Variants in MYH15 observed in about 807,000 individuals in gnomAD.
MYH15 encodes the protein myosin-15.
A neutral mutation model predicts 240.5 loss-of-function variants in MYH15; 227 were observed. The ratio of observed to expected loss-of-function variants is 0.94; its 90% CI spans 0.85 to 1.05. The LOEUF (loss-of-function observed/expected upper bound fraction) is 1.05. Ranked by LOEUF, MYH15 falls within the 50% of genes least tolerant of loss-of-function variation. MYH15 has a pLI of 0.00. For missense variants in MYH15, 2,217 were observed against 2,247.5 expected (o/e 0.99, Z 0.27); for synonymous variants, 785 against 796.7 (o/e 0.99, Z 0.25).
At chr3:108,518,132 G>T (rs1052969925) in intron 1 of MYH15, among the ~76,000 whole-genome samples, 1 of 152,164 alleles carries the variant, frequency 6.6e-6, no homozygotes, top group Non-Finnish European at 1.5e-5. Context: ...CAGGAACTAG[G>T]TTAAGTGTTT....
At chr3:108,458,799 C>T (rs1188246584) in intron 18 of MYH15, among the ~76,000 whole-genome samples, 1 of 150,842 alleles carries the variant, frequency 6.6e-6, no homozygotes, top group African/African-American at 2.4e-5. Flanking sequence ...ATCCCCCTAC[C>T]ACTATTCACT....
intron 1 of MYH15, among the ~76,000 whole-genome samples, chr3:108,507,169 T>C (rs192431634): frequency 1.4e-4 from 20 of 144,082 alleles, no homozygotes; most frequent in African/African-American, 4.8e-4. Flanking sequence ...ATATTATATA[T>C]ATGTGTGTCT....
intron 21 of MYH15, among the ~76,000 whole-genome samples, chr3:108,449,053 C>A (rs2082951769): frequency 1.3e-5 from 2 of 151,884 alleles, no homozygotes; most frequent in South Asian, 4.1e-4. Context: ...GGTAAAAGAG[C>A]TGCATGTTGA....
intron 11 of MYH15, among the ~76,000 whole-genome samples, chr3:108,481,716 T>C (rs570299130): frequency 4.3e-4 from 66 of 152,116 alleles, no homozygotes; most frequent in Admixed American, 3.3e-3. Flanking sequence ...GAGAAAATGA[T>C]AGATTTCGCT....
chr3:108,441,353 G>T, intron 22 of MYH15, 93 bp from the exon 23 acceptor site: 1 of 1,426,924 alleles, frequency 7.0e-7, no homozygotes, highest in Non-Finnish European at 9.7e-7. Context: ...AGAGATAATT[G>T]CCTGCCCTCT....
At position 108,380,410 on chromosome 3, in the gene MYH15, T is replaced by C. The variant is rs577832725; in HGVS notation, c.*1135A>G. On this transcript the variant is annotated 3_prime_UTR_variant, in exon 41 of 41. Transcript: ENST00000693548. ...ATTATAGAGCTTCAGCCTTACACAA[T>C]TGTGGGTGCTGGTGGAGAAGTCTAG... 1.3e-5 allele frequency: 2 copies of C among 152,468 alleles called. No individual in the cohort carries two copies. The highest frequency in any genetic ancestry group is 4.8e-5 in the African/African-American group (2 of 41,564). The allele number at this position is 152,468 out of a possible 1,614,324, so 9.4% of individuals were successfully genotyped here.
In MYH15 at chr3:108,432,340, G is replaced by A. The variant is rs541015961; in HGVS notation, c.3222-1418C>T. Among the ~76,000 whole-genome samples, 239 of 152,170 alleles carry A rather than the reference G, an allele frequency of 1.6e-3. 2 individuals carry two copies. Among genetic ancestry groups the A allele is most frequent in the Non-Finnish European group, 2.5e-3 (167 of 67,996 alleles). On this transcript the variant is annotated intron_variant, in intron 25 of 40. Transcript: ENST00000693548. The stretch of plus-strand genomic sequence containing the variant: ...TCCAGAGTGCTAGGATTACAGGCAT[G>A]AGCCACTGCACCCTGCCTGCATTCA...
intron 30 of MYH15, among the ~76,000 whole-genome samples, chr3:108,413,789 C>T (rs1253541496): frequency 6.6e-6 from 1 of 152,144 alleles, no homozygotes; most frequent in Admixed American, 6.5e-5. Context: ...CTTCCCTGTC[C>T]ATCTTCACAG....
chr3:108,529,154 T>G, intron 1 of MYH15: 1 of 972,634 alleles, frequency 1.0e-6, no homozygotes. Context: ...CATGTAGTAA[T>G]TGGTGTGCTG....
intron 1 of MYH15, among the ~76,000 whole-genome samples, chr3:108,507,852 T>C (rs970356779): frequency 2.0e-5 from 3 of 152,230 alleles, no homozygotes; most frequent in Non-Finnish European, 4.4e-5. Flanking sequence ...GTTATGTCTA[T>C]GAAAATATGC....
chr3:108,548,655 T>C, the MYH15 span, among the ~76,000 whole-genome samples: 15 of 152,112 alleles, frequency 9.9e-5, no homozygotes, highest in African/African-American at 3.1e-4. Flanking sequence ...TACGATGGTA[T>C]ATATGCCAAA....
At chr3:108,542,487 T>G in the MYH15 span, among the ~76,000 whole-genome samples, 1 of 152,240 alleles carries the variant, frequency 6.6e-6, no homozygotes, top group South Asian at 2.1e-4. Context: ...CTTTTCAGAC[T>G]GGCTTTTCAT....
At chr3:108,470,982 G>A in intron 12 of MYH15, 135 bp from the exon 13 acceptor site, 1 of 518,822 alleles carries the variant, frequency 1.9e-6, no homozygotes. Context: ...ACATTCTGCT[G>A]AATACAATGA....
At chr3:108,549,867 T>A in the MYH15 span, 1 of 152,102 alleles carries the variant, frequency 6.6e-6, no homozygotes, top group Non-Finnish European at 1.5e-5. Context: ...TTGTCTCTTT[T>A]ATTTTATAGA....
chr3:108,543,227 C>T, the MYH15 span: 1 of 152,160 alleles, frequency 6.6e-6, no homozygotes, highest in Non-Finnish European at 1.5e-5. Flanking sequence ...TGTATATGTA[C>T]CACATTTTGT....
chr3:108,510,515 G>C lies in MYH15; in HGVS notation c.16C>G (p.Leu6Val), dbSNP rs1328037293. ...CTGAGGAAGGCTGCGGCTTCTCCAA[G>C]GTCTGACAGATCCATCTTTATTAAA... MDLSD[L>V]GEAAAFLRRS... Residue 6 changes from leucine (L) to valine (V), a missense_variant, in exon 1 of 41, where the codon CTT becomes GTT. Leu to Val is a conservative substitution (Grantham distance 32). Coordinates refer to ENST00000693548, the MANE Select transcript of MYH15 (RefSeq NM_014981.3). The C allele has an allele frequency of 3.1e-6, 5 of 1,613,370 alleles. No homozygotes were observed. Among genetic ancestry groups the C allele is most frequent in the African/African-American group, 2.7e-5 (2 of 74,884 alleles).
intron 14 of MYH15, among the ~76,000 whole-genome samples, chr3:108,467,522 A>G (rs1283702176): frequency 4.6e-5 from 7 of 152,152 alleles, no homozygotes; most frequent in Admixed American, 4.6e-4. Context: ...AAACCAGTGA[A>G]TGAAAAGTAT....
At chr3:108,421,025 T>G in intron 28 of MYH15, 63 bp downstream of exon 28, 1 of 1,604,204 alleles carries the variant, frequency 6.2e-7, no homozygotes, top group East Asian at 2.2e-5. Flanking sequence ...TTATCTCAGT[T>G]GTGCCTTCAT....
chr3:108,530,612 A>G (rs1251260242), upstream of MYH15, among the ~76,000 whole-genome samples: 3 of 152,194 alleles, frequency 2.0e-5, no homozygotes, highest in African/African-American at 7.2e-5. Flanking sequence ...AGGTTCATCA[A>G]TTATAAGATG....
Sources: gnomAD v4.1 joint callset for allele counts (sites outside exome capture counted in the v4.1 genomes callset) on GRCh38, gnomAD v4.1.1 for gene constraint, MANE v1.5 for transcripts, NCBI Gene and HGNC (gene_info 2026-07-23, HGNC 2026-07-21) for gene names.